Variants in DOCK1 observed in about 807,000 individuals in gnomAD.
DOCK1 encodes dedicator of cytokinesis 1.
In DOCK1, 138 loss-of-function variants were observed where a neutral mutation model predicts 262.7. The ratio of observed to expected loss-of-function variants is 0.53; its 90% CI spans 0.46 to 0.61. The LOEUF (loss-of-function observed/expected upper bound fraction) is 0.61. DOCK1 is among the 20% of genes least tolerant of loss of function. DOCK1 has a pLI of 0.00. For synonymous variants in DOCK1, 866 were observed against 867.4 expected (o/e 1.00, Z 0.03); for missense variants, 1,908 against 2,370.7 (o/e 0.80, Z 4.05).
chr10:127,290,353 T>A (rs1357398915), intron 29 of DOCK1, among the ~76,000 whole-genome samples: 5 of 152,226 alleles, frequency 3.3e-5, no homozygotes, highest in South Asian at 2.1e-4. Flanking sequence ...ACTCCTTTTC[T>A]GTGATATTCA....
intron 12 of DOCK1, among the ~76,000 whole-genome samples, chr10:127,017,296 G>A (rs1373548940): frequency 8.0e-6 from 1 of 125,080 alleles, no homozygotes; most frequent in East Asian, 2.4e-4. Context: ...CACACACATG[G>A]GTATAGACAC....
intron 4 of DOCK1, among the ~76,000 whole-genome samples, chr10:126,985,048 T>G (rs2039277466): frequency 7.0e-6 from 1 of 143,022 alleles, no homozygotes; most frequent in East Asian, 2.3e-4. Flanking sequence ...TAGCATGATC[T>G]CCGCTCACTG....
chr10:126,937,109 T>G (rs1312852875), intron 1 of DOCK1, among the ~76,000 whole-genome samples: 3 of 152,224 alleles, frequency 2.0e-5, no homozygotes, highest in African/African-American at 7.2e-5. Context: ...TGTGAGTGGC[T>G]TATTTCACTT....
At chr10:127,352,983 C>T (rs2063958031) in intron 31 of DOCK1, among the ~76,000 whole-genome samples, 1 of 152,136 alleles carries the variant, frequency 6.6e-6, no homozygotes, top group Non-Finnish European at 1.5e-5. Context: ...TTGAGTGGGT[C>T]AGTACATGCT....
intron 31 of DOCK1, among the ~76,000 whole-genome samples, chr10:127,347,317 G>A (rs78346852): frequency 0.015 from 2,268 of 152,312 alleles, 28 homozygotes; most frequent in South Asian, 0.023. Flanking sequence ...GGTCTAGTGG[G>A]GTAAATGGAG....
chr10:127,125,411 T>C, intron 25 of DOCK1, 63 bp from the exon 26 acceptor site: 2 of 1,602,536 alleles, frequency 1.2e-6, no homozygotes, highest in Non-Finnish European at 1.7e-6. Context: ...GACAAGCTTA[T>C]AGCAAACACG....
chr10:127,291,917 C>T (rs1364275364), intron 29 of DOCK1, among the ~76,000 whole-genome samples: 1 of 152,168 alleles, frequency 6.6e-6, no homozygotes, highest in Admixed American at 6.5e-5. Flanking sequence ...GGGCTCCCTC[C>T]GTCCTTCACA....
intron 29 of DOCK1, among the ~76,000 whole-genome samples, chr10:127,280,326 G>A (rs1379204227): frequency 2.0e-5 from 3 of 152,004 alleles, no homozygotes; most frequent in South Asian, 4.1e-4. Flanking sequence ...GAGCCACCGC[G>A]CCCGGCCTTC....
At chr10:127,159,574 T>C (rs2053405704) in intron 27 of DOCK1, among the ~76,000 whole-genome samples, 1 of 152,120 alleles carries the variant, frequency 6.6e-6, no homozygotes, top group South Asian at 2.1e-4. Context: ...GGCATGCAGG[T>C]CTTCAGTTAA....
intron 31 of DOCK1, among the ~76,000 whole-genome samples, chr10:127,349,059 G>A (rs184630978): frequency 1.3e-5 from 2 of 152,144 alleles, no homozygotes; most frequent in African/African-American, 4.8e-5. Context: ...CACATGCACC[G>A]GTGGTGTTGT....
At chr10:127,047,765 T>C (rs771683054) in intron 21 of DOCK1, among the ~76,000 whole-genome samples, 4 of 152,218 alleles carry the variant, frequency 2.6e-5, no homozygotes, top group Non-Finnish European at 5.9e-5. Flanking sequence ...CATGCACTCT[T>C]TTTGTATCTG....
intron 38 of DOCK1, 54 bp from the exon 39 acceptor site, chr10:127,403,001 C>G (rs1018782259): frequency 7.3e-6 from 11 of 1,497,568 alleles, no homozygotes; most frequent in East Asian, 2.4e-5. Context: ...CTGTTTGACT[C>G]TTTGCACAAT....
chr10:127,201,367 T>C (rs2057451061), intron 27 of DOCK1, among the ~76,000 whole-genome samples: 1 of 152,210 alleles, frequency 6.6e-6, no homozygotes, highest in South Asian at 2.1e-4. Flanking sequence ...CAGAGCTGTT[T>C]CTGAGGTGCT....
chr10:127,042,936 A>G (rs1229153308), intron 20 of DOCK1, 128 bp from the exon 21 acceptor site: 2 of 847,252 alleles, frequency 2.4e-6, no homozygotes, highest in East Asian at 2.7e-5. Context: ...AAGGTAAACT[A>G]GCCACCAACT....
intron 35 of DOCK1, among the ~76,000 whole-genome samples, chr10:127,379,801 C>T (rs1182206120): frequency 6.6e-6 from 1 of 151,924 alleles, no homozygotes; most frequent in East Asian, 1.9e-4. Flanking sequence ...TGGGCAATAC[C>T]TTGTTTTAAT....
chr10:126,965,275 C>T (rs955945517), intron 1 of DOCK1, among the ~76,000 whole-genome samples: 4 of 151,910 alleles, frequency 2.6e-5, no homozygotes, highest in South Asian at 2.1e-4. Context: ...CAGTCGGAGG[C>T]GGAGGGAGGA....
intron 47 of DOCK1, among the ~76,000 whole-genome samples, chr10:127,431,856 C>T (rs1274379553): frequency 6.6e-6 from 1 of 152,184 alleles, no homozygotes; most frequent in African/African-American, 2.4e-5. Flanking sequence ...GGTCCCAGCC[C>T]TCAGGCAGTG....
In DOCK1 at chr10:127,018,756, C is replaced by T. The variant is rs1473913987; in HGVS notation, c.1248C>T (p.Ile416=). The T allele has an allele frequency of 1.2e-6, 2 of 1,613,852 alleles. No homozygotes were observed. Among genetic ancestry groups the T allele is most frequent in the Admixed American group, 3.3e-5 (2 of 60,002 alleles). Residue 416 remains isoleucine (I), a synonymous_variant, in exon 13 of 52, where the codon ATC becomes ATT. Coordinates refer to ENST00000623213, the MANE Select transcript of DOCK1 (RefSeq NM_001290223.2). ...TACTTCCTGGAGATATCCATCAGATCCGAAAAGAGTTTCCGCATTTAGTGG... is the reference window on the plus strand; with the variant it reads ...TACTTCCTGGAGATATCCATCAGATTCGAAAAGAGTTTCCGCATTTAGTGG... ...LKLLPGDIHQ[I]RKEFPHLVDR...
At chr10:127,318,028 T>C (rs1267107661) in intron 29 of DOCK1, among the ~76,000 whole-genome samples, 2 of 152,222 alleles carry the variant, frequency 1.3e-5, no homozygotes, top group Admixed American at 6.5e-5. Context: ...GGCATGGTCC[T>C]TGCTCAGGAC....
Sources: allele counts gnomAD v4.1 joint callset (sites outside exome capture counted in the v4.1 genomes callset), GRCh38; gene constraint gnomAD v4.1.1; transcripts MANE v1.5; gene names NCBI Gene and HGNC (gene_info 2026-07-23, HGNC 2026-07-21).